The following PSME3 variants were observed in gnomAD, a reference collection of about 807,000 sequenced individuals.
PSME3 encodes the protein proteasome activator complex subunit 3.
Under a neutral mutation model 38.3 loss-of-function variants are expected in PSME3, and 7 were observed. That is an observed-to-expected ratio of 0.18 (90% confidence interval 0.10 to 0.34). The LOEUF is 0.34. Among genes scored for constraint, PSME3 ranks in the 10% least tolerant of loss-of-function variants. The pLI is 1.00. For missense variants in PSME3, 192 were observed against 307.6 expected (o/e 0.62, Z 2.81); for synonymous variants, 108 against 105.7 (o/e 1.02, Z -0.13).
intron 10 of PSME3, 31 bp downstream of exon 10, chr17:42,839,411 C>G (rs1415731490): frequency 6.6e-7 from 1 of 1,519,602 alleles, no homozygotes; most frequent in South Asian, 1.1e-5. Flanking sequence ...TCCATAGTTG[C>G]TGTGGCTTCT....
intron 4 of PSME3, among the ~76,000 whole-genome samples, chr17:42,836,311 A>C (rs2055463283): frequency 6.6e-6 from 1 of 151,778 alleles, no homozygotes; most frequent in Non-Finnish European, 1.5e-5. Context: ...GGCCGGCAGG[A>C]GCTATCTTAA....
rs541619487 is a variant in PSME3, at chr17:42,840,074, C to G, written c.684+694C>G. On this transcript the variant is annotated intron_variant, in intron 10 of 10. Transcript: ENST00000590720. ...GGTGGATCACTTGAGGTCAGGAGTT[C>G]GAGACCAGCCTTACCAACATGGAAA... 2.1e-5 allele frequency among the ~76,000 whole-genome samples: 3 copies of G among 145,746 alleles called. No individual in the cohort carries two copies. In the East Asian group the frequency reaches 6.1e-4, roughly 30 times the overall value.
Position 42,842,295 on chromosome 17 carries a change from C to T in PSME3, c.*717C>T, listed in dbSNP as rs1291634820. Reference sequence around the variant, plus strand: ...AACATACCCTCCCTCTCCACAACCCCTGTCACATACCTTTCAGGAGGTGAC... The same window carrying T: ...AACATACCCTCCCTCTCCACAACCCTTGTCACATACCTTTCAGGAGGTGAC... On this transcript the variant is annotated 3_prime_UTR_variant, in exon 11 of 11. Coordinates refer to ENST00000590720, the MANE Select transcript of PSME3 (RefSeq NM_005789.4). The T allele has an allele frequency of 6.5e-6, 1 of 152,776 alleles. No homozygotes were observed. The highest frequency in any genetic ancestry group is 2.4e-5 in the African/African-American group (1 of 41,444). 9.5% of individuals were successfully genotyped at this position (152,776 alleles called of 1,614,324 possible). A position where few individuals can be genotyped will look rare whatever the true frequency, so the allele number is the denominator to read the frequency against.
chr17:42,834,407 G>A, intron 2 of PSME3, 31 bp downstream of exon 2: 5 of 1,612,308 alleles, frequency 3.1e-6, no homozygotes, highest in Non-Finnish European at 4.2e-6. Flanking sequence ...AATGGTTGTT[G>A]GTTGAGAATT....
rs192322990 is a variant in PSME3 at position 42,843,667 on chromosome 17, G to A, written c.*2089G>A. The A allele has an allele frequency of 3.3e-5, 5 of 152,390 alleles. No individual in the cohort carries two copies. Among genetic ancestry groups the A allele is most frequent in the Non-Finnish European group, 5.9e-5 (4 of 68,020 alleles). The allele number at this position is 152,390 out of a possible 1,614,324, so 9.4% of individuals were successfully genotyped here. A position where few individuals can be genotyped will look rare whatever the true frequency, so the allele number is the denominator to read the frequency against. ...CTGAATAATGTCTTCAGTTTCTTGA[G>A]GAGACTCCTAGTTTTGGTTTTCAAA... On this transcript the variant is annotated 3_prime_UTR_variant, in exon 11 of 11. Transcript: ENST00000590720.
rs564508032 is a variant in PSME3 at position 42,841,330 on chromosome 17, T to C, written c.685-168T>C. ...ACCTTCTGTACTTGATTTGCTTACC[T>C]GCTGTACTTTAATTTCCTTCAAGTC... On this transcript the variant is annotated intron_variant, in intron 10 of 10. Transcript: ENST00000590720. 3.3e-5 allele frequency among the ~76,000 whole-genome samples: 5 copies of C among 152,310 alleles called. No homozygotes were observed. The East Asian group carries it at 9.7e-4, about 29-fold the overall frequency.
At chr17:42,838,519 G>A (rs1236114747) in intron 6 of PSME3, among the ~76,000 whole-genome samples, 1 of 152,046 alleles carries the variant, frequency 6.6e-6, no homozygotes, top group Admixed American at 6.6e-5. Flanking sequence ...TTTTGGCCAT[G>A]GTTAGCCAGG....
chr17:42,834,695 T>G (rs1168598624), intron 3 of PSME3, 77 bp from the exon 4 acceptor site: 19 of 1,604,126 alleles, frequency 1.2e-5, no homozygotes, highest in Non-Finnish European at 1.6e-5. Flanking sequence ...AAAAGCACTT[T>G]CATTTCTTGC....
intron 10 of PSME3, 45 bp from the exon 11 acceptor site, chr17:42,841,453 A>G: frequency 7.7e-7 from 1 of 1,291,634 alleles, no homozygotes. Context: ...TTGATGAGGT[A>G]AGGGTTGTAC....
In PSME3 at chr17:42,834,987, T is replaced by C. The variant is rs2055444523; in HGVS notation, c.243+111T>C. 15 of 1,468,620 alleles carry C rather than the reference T, an allele frequency of 1.0e-5. No homozygotes were observed. In the South Asian group the frequency reaches 2.0e-4, roughly 19 times the overall value. 91.0% of individuals were successfully genotyped at this position (1,468,620 alleles called of 1,614,324 possible). On this transcript the variant is annotated intron_variant, in intron 4 of 10. Coordinates refer to ENST00000590720, the MANE Select transcript of PSME3 (RefSeq NM_005789.4). The stretch of plus-strand genomic sequence containing the variant: ...AACAGTGGGATTTGGATCTGGGAAC[T>C]AGGACTCTGTTACAGACATGATGAC...
intron 8 of PSME3, 23 bp from the exon 9 acceptor site, chr17:42,839,088 TC>T: frequency 6.3e-7 from 1 of 1,589,664 alleles, no homozygotes; most frequent in Non-Finnish European, 8.6e-7. Context: ...TCCTGCATCT[TC>T]CTCCTCTTCT....
intron 3 of PSME3, 89 bp from the exon 4 acceptor site, chr17:42,834,683 G>C: frequency 6.2e-7 from 1 of 1,603,228 alleles, no homozygotes; most frequent in Non-Finnish European, 8.5e-7. Flanking sequence ...TTTTTAAACT[G>C]TAAAAGCACT....
At chr17:42,834,715 C>A in intron 3 of PSME3, 57 bp from the exon 4 acceptor site, 1 of 1,606,172 alleles carries the variant, frequency 6.2e-7, no homozygotes, top group South Asian at 1.1e-5. Flanking sequence ...CTCTTCAAAT[C>A]AAATACTTCT....
Position 42,833,503 on chromosome 17 carries a change from G to T in PSME3, c.-129G>T. ...CGGCACAGAGGGAGGGAGCGAGCGA[G>T]CAGTGAGTAAGCCAGCAAGGGCGGT... On this transcript the variant is annotated 5_prime_UTR_variant, in exon 1 of 11. Transcript: ENST00000590720. The T allele has an allele frequency of 8.8e-7, 1 of 1,135,356 alleles. No individual in the cohort carries two copies. Among genetic ancestry groups the T allele is most frequent in the Non-Finnish European group, 1.3e-6 (1 of 773,496 alleles). The allele number at this position is 1,135,356 out of a possible 1,614,324, so 70.3% of individuals were successfully genotyped here.
In PSME3 at chr17:42,841,622, C is replaced by G. The variant is rs753792409; in HGVS notation, c.*44C>G. 7 of 1,364,818 alleles carry G rather than the reference C, an allele frequency of 5.1e-6. No individual in the cohort carries two copies. The Middle Eastern group carries it at 5.8e-4, about 112-fold the overall frequency. 84.5% of individuals were successfully genotyped at this position (1,364,818 alleles called of 1,614,324 possible). On this transcript the variant is annotated 3_prime_UTR_variant, in exon 11 of 11. Coordinates refer to ENST00000590720, the MANE Select transcript of PSME3 (RefSeq NM_005789.4). Reference sequence around the variant, plus strand: ...GGGACTCTGTGAGTCTGGCTCAAGACCGACATTGCCTTGGTTTGTTACATG... The same window carrying G: ...GGGACTCTGTGAGTCTGGCTCAAGAGCGACATTGCCTTGGTTTGTTACATG...
intron 4 of PSME3, among the ~76,000 whole-genome samples, chr17:42,835,995 ACTAT>A (rs2055457586): frequency 6.7e-6 from 1 of 149,364 alleles, no homozygotes; most frequent in South Asian, 2.1e-4. Flanking sequence ...GAAGGCAGGA[ACTAT>A]CTTTTTTTTT....
rs2055479808 is a variant in PSME3 at position 42,837,699 on chromosome 17, T to G, written c.292+2T>G. On this transcript the variant is annotated splice_donor_variant, in intron 5 of 10. Coordinates refer to ENST00000590720, the MANE Select transcript of PSME3 (RefSeq NM_005789.4). LOFTEE classifies it high-confidence loss of function. ...ATGAGTGTGAAGAAGCCTTCCAAGG[T>G]AAGAGGCACCCTTACCTCACCTCCC... 6.2e-7 allele frequency: 1 copy of G among 1,613,304 alleles called. No homozygotes were observed. Among genetic ancestry groups the G allele is most frequent in the African/African-American group, 1.3e-5 (1 of 74,842 alleles).
rs768161681 is a variant in PSME3, at chr17:42,841,652, T to C, written c.*74T>C. ...ATTGCCTTGGTTTGTTACATGACTA[T>C]CGTGATGGGGAAACTGGCTGGAAAT... is the stretch of plus-strand genomic sequence containing the variant. On this transcript the variant is annotated 3_prime_UTR_variant, in exon 11 of 11. Transcript: ENST00000590720. 9.8e-7 allele frequency: 1 copy of C among 1,018,186 alleles called. No individual in the cohort carries two copies. The highest frequency in any genetic ancestry group is 1.4e-6 in the Non-Finnish European group (1 of 699,332). 63.1% of individuals were successfully genotyped at this position (1,018,186 alleles called of 1,614,324 possible). A position where few individuals can be genotyped will look rare whatever the true frequency, so the allele number is the denominator to read the frequency against.
intron 1 of PSME3, chr17:42,833,977 C>G: frequency 7.0e-7 from 1 of 1,437,830 alleles, no homozygotes; most frequent in Non-Finnish European, 9.1e-7. Flanking sequence ...GGACACTGCC[C>G]CTGCCCTTGG....
Sources: gnomAD v4.1 joint callset for allele counts (sites outside exome capture counted in the v4.1 genomes callset) on GRCh38, gnomAD v4.1.1 for gene constraint, MANE v1.5 for transcripts, NCBI Gene and HGNC (gene_info 2026-07-23, HGNC 2026-07-21) for gene names.